The following PTPRD variants were observed in gnomAD, a reference collection of about 807,000 sequenced individuals.
PTPRD encodes receptor-type tyrosine-protein phosphatase delta.
Under a neutral mutation model 214.5 loss-of-function variants are expected in PTPRD, and 34 were observed. That is an observed-to-expected ratio of 0.16 (90% CI 0.12 to 0.21). PTPRD has a LOEUF of 0.21. Ranked by LOEUF, PTPRD falls within the 10% of genes least tolerant of loss-of-function variation. The pLI, the probability that PTPRD is intolerant of heterozygous loss-of-function variation, is 1.00. For missense variants in PTPRD, 2,545 were observed against 2,398.7 expected, an observed-to-expected ratio of 1.06 and a Z score of -1.27; for synonymous variants, 1,128 against 845.7, an observed-to-expected ratio of 1.33 and a Z score of -5.79.
At chr9:8,699,535 G>C (rs2098022144) in intron 12 of PTPRD, among the ~76,000 whole-genome samples, 1 of 152,012 alleles carries the variant, frequency 6.6e-6, no homozygotes, top group African/African-American at 2.4e-5. Context: ...GACTCCATTG[G>C]ACAAGTTTGA....
At chr9:9,934,105 A>G (rs1245587687) in intron 5 of PTPRD, among the ~76,000 whole-genome samples, 1 of 150,076 alleles carries the variant, frequency 6.7e-6, no homozygotes, top group African/African-American at 2.5e-5. Context: ...TTATAGCACT[A>G]AACGCCCACA....
chr9:8,756,957 G>A (rs184514594), intron 11 of PTPRD, among the ~76,000 whole-genome samples: 200 of 151,998 alleles, frequency 1.3e-3, no homozygotes, highest in Non-Finnish European at 2.0e-3. Context: ...CTTGGCCAAC[G>A]TGGTGAAACC....
At chr9:9,446,663 A>G (rs1016897470) in intron 8 of PTPRD, among the ~76,000 whole-genome samples, 1 of 152,124 alleles carries the variant, frequency 6.6e-6, no homozygotes, top group African/African-American at 2.4e-5. Flanking sequence ...TGACCTCCAA[A>G]TGGGATCTAA....
At chr9:9,651,969 G>T (rs1376609032) in intron 7 of PTPRD, among the ~76,000 whole-genome samples, 1 of 151,094 alleles carries the variant, frequency 6.6e-6, no homozygotes, top group Non-Finnish European at 1.5e-5. Flanking sequence ...CAAGTAGCTG[G>T]GACCACAGGC....
At chr9:9,776,033 C>G (rs1388049397) in intron 5 of PTPRD, among the ~76,000 whole-genome samples, 1 of 150,272 alleles carries the variant, frequency 6.7e-6, no homozygotes, top group Non-Finnish European at 1.5e-5. Flanking sequence ...TTCTCATCAC[C>G]TAGGTTAATA....
intron 11 of PTPRD, among the ~76,000 whole-genome samples, chr9:8,980,426 T>G (rs185286986): frequency 6.6e-6 from 1 of 152,254 alleles, no homozygotes; most frequent in Admixed American, 6.6e-5. Flanking sequence ...ATGATAGATA[T>G]GTTAATCTGC....
intron 3 of PTPRD, among the ~76,000 whole-genome samples, chr9:10,273,369 G>A (rs1308570596): frequency 6.6e-6 from 1 of 152,022 alleles, no homozygotes; most frequent in East Asian, 1.9e-4. Flanking sequence ...ATTTTTCCAA[G>A]CCTATAAGAA....
intron 9 of PTPRD, among the ~76,000 whole-genome samples, chr9:9,344,337 G>C (rs766636714): frequency 1.5e-4 from 23 of 151,988 alleles, no homozygotes; most frequent in Non-Finnish European, 2.4e-4. Context: ...GGGTTTGGGG[G>C]GAAAGGGGAG....
intron 11 of PTPRD, chr9:8,861,814 G>C (rs2098112080): frequency 6.6e-6 from 1 of 152,332 alleles, no homozygotes; most frequent in Non-Finnish European, 1.5e-5. Context: ...GTTCGGAAGA[G>C]AGTGAGGAAT....
In PTPRD at chr9:10,376,144, T is replaced by A. The variant is rs567325028; in HGVS notation, c.-599-35127A>T. ...TGCATTTTTCAGAATACTTTGTAAT[T>A]AGGTAAAGGTTATAAGACTAGTTAC... On this transcript the variant is annotated intron_variant, in intron 2 of 45. Transcript: ENST00000381196. 4.6e-5 allele frequency among the ~76,000 whole-genome samples: 7 copies of A among 152,078 alleles called. No homozygotes were observed. The South Asian group carries it at 1.2e-3, about 27-fold the overall frequency.
rs376714429 is a variant in PTPRD at position 8,733,791 on chromosome 9, G to A, written c.53C>T (p.Thr18Met). 2.2e-5 allele frequency: 34 copies of A among 1,552,874 alleles called. No homozygotes were observed. The African/African-American group carries it at 4.2e-4, about 19-fold the overall frequency. The change falls in exon 12 of 46, where the codon ACG (threonine) becomes ATG (methionine). Residue 18 changes from threonine to methionine, a missense_variant. Physicochemically the swap from Thr to Met is moderately conservative, Grantham distance 81. Transcript: ENST00000381196. ...LLLLLTFFLR[T>M]DAETPPRFTR... is the part of the protein sequence containing the mutation. Reference sequence around the variant, plus strand: ...GGAGAATGGCTTACTCTCAGCATCCGTGCGGAGGAAGAAAGTGAGGAGCAG... The same window carrying A: ...GGAGAATGGCTTACTCTCAGCATCCATGCGGAGGAAGAAAGTGAGGAGCAG...
At position 9,066,715 on chromosome 9, in the gene PTPRD, G is replaced by C. The variant is rs2099735044; in HGVS notation, c.-142-47980C>G. ...AGAAAGAAAAGACAGGACCACAAAGGCAGAGATTGAAATGATACAGCCATA... is the reference window on the plus strand; with the variant it reads ...AGAAAGAAAAGACAGGACCACAAAGCCAGAGATTGAAATGATACAGCCATA... On this transcript the variant is annotated intron_variant, in intron 10 of 45. Transcript: ENST00000381196. Among the ~76,000 whole-genome samples the C allele has an allele frequency of 2.0e-5, 3 of 152,096 alleles. No individual in the cohort carries two copies. The South Asian group carries it at 6.2e-4, about 32-fold the overall frequency.
At chr9:8,463,263 G>A (rs1591203770) in intron 32 of PTPRD, among the ~76,000 whole-genome samples, 2 of 86,812 alleles carry the variant, frequency 2.3e-5, no homozygotes, top group Admixed American at 3.8e-4. Flanking sequence ...CGCATTACAA[G>A]AAGATAAAAA....
chr9:9,118,041 G>A (rs940210088), intron 10 of PTPRD, among the ~76,000 whole-genome samples: 2 of 152,164 alleles, frequency 1.3e-5, no homozygotes, highest in Non-Finnish European at 2.9e-5. Context: ...AAGCACAACT[G>A]AAGCATAAAC....
At chr9:8,419,373 G>C (rs1029777761) in intron 35 of PTPRD, among the ~76,000 whole-genome samples, 1 of 151,986 alleles carries the variant, frequency 6.6e-6, no homozygotes, top group Non-Finnish European at 1.5e-5. Flanking sequence ...AACTTATTAA[G>C]TGATAGATTC....
At chr9:10,056,723 C>A (rs2097657208) in intron 3 of PTPRD, among the ~76,000 whole-genome samples, 1 of 152,038 alleles carries the variant, frequency 6.6e-6, no homozygotes, top group South Asian at 2.1e-4. Context: ...AACTTCTCTA[C>A]CGGGAGTCAT....
chr9:8,513,351 A>G (rs1029093184), intron 21 of PTPRD, among the ~76,000 whole-genome samples: 8 of 152,028 alleles, frequency 5.3e-5, no homozygotes, highest in African/African-American at 1.7e-4. Flanking sequence ...ACTTATGTCC[A>G]TCTGTGTGAC....
At chr9:8,381,221 T>C (rs1267185744) in intron 37 of PTPRD, among the ~76,000 whole-genome samples, 1 of 152,176 alleles carries the variant, frequency 6.6e-6, no homozygotes, top group African/African-American at 2.4e-5. Context: ...GTCACAGTTA[T>C]TTTTGGGAGT....
intron 5 of PTPRD, among the ~76,000 whole-genome samples, chr9:9,839,711 T>A (rs983967303): frequency 6.6e-6 from 1 of 152,062 alleles, no homozygotes; most frequent in Admixed American, 6.6e-5. Flanking sequence ...ACTTTAAAGT[T>A]CGTATGGAAC....
Sources: gnomAD v4.1 joint callset for allele counts (sites outside exome capture counted in the v4.1 genomes callset) on GRCh38, gnomAD v4.1.1 for gene constraint, MANE v1.5 for transcripts, NCBI Gene and HGNC (gene_info 2026-07-23, HGNC 2026-07-21) for gene names.